NBEAL1: variants seen among roughly 807,000 people sequenced by gnomAD.
NBEAL1 encodes neurobeachin like 1.
In NBEAL1, 273 loss-of-function variants were observed where a neutral mutation model predicts 351.3. The ratio of observed to expected loss-of-function variants is 0.78; its 90% CI spans 0.70 to 0.86. NBEAL1 has a LOEUF of 0.86. NBEAL1 is among the 40% of genes least tolerant of loss of function. NBEAL1 has a pLI of 0.00. For missense variants in NBEAL1, 2,961 were observed against 3,201.3 expected, an observed-to-expected ratio of 0.92 and a Z score of 1.81; for synonymous variants, 1,050 against 1,086.4, an observed-to-expected ratio of 0.97 and a Z score of 0.66.
At chr2:203,183,049 T>C (rs1168469346) in intron 43 of NBEAL1, 1 of 300,116 alleles carries the variant, frequency 3.3e-6, no homozygotes, top group African/African-American at 2.2e-5. Flanking sequence ...AGCTATAGTT[T>C]CCCCCACTTT....
rs187453816 is a variant in NBEAL1 at position 203,156,399 on chromosome 2, A to G, written c.5588-1300A>G. Reference sequence around the variant, plus strand: ...ATTCTCCATCCTTCACCAATCTTTCATCAGATTTTCAATTCATACTGTTAA... The same window carrying G: ...ATTCTCCATCCTTCACCAATCTTTCGTCAGATTTTCAATTCATACTGTTAA... On this transcript the variant is annotated intron_variant, in intron 35 of 55. Coordinates refer to ENST00000683969, the MANE Select transcript of NBEAL1 (RefSeq NM_001378026.1). 1.5e-4 allele frequency among the ~76,000 whole-genome samples: 23 copies of G among 152,278 alleles called. No individual in the cohort carries two copies. In the East Asian group the frequency reaches 4.2e-3, roughly 28 times the overall value.
Position 203,077,738 on chromosome 2 carries a change from T to G in NBEAL1, c.599-14T>G. 1 of 1,231,894 alleles carries G rather than the reference T, an allele frequency of 8.1e-7. No homozygotes were observed. The highest frequency in any genetic ancestry group is 1.1e-6 in the Non-Finnish European group (1 of 920,112). The allele number at this position is 1,231,894 out of a possible 1,614,324, so 76.3% of individuals were successfully genotyped here. ...CAAATCTTATTTATTTATTTATTTA[T>G]TTATTATTTACAGAATGTTTTCAGG... On this transcript the variant is annotated splice_polypyrimidine_tract_variant and intron_variant, in intron 7 of 55. Coordinates refer to ENST00000683969, the MANE Select transcript of NBEAL1 (RefSeq NM_001378026.1).
intron 7 of NBEAL1, 47 bp from the exon 8 acceptor site, chr2:203,077,705 G>A: frequency 3.6e-6 from 4 of 1,124,042 alleles, no homozygotes; most frequent in South Asian, 4.4e-5. Context: ...AAATCATACT[G>A]TGAAAGACAA....
intron 47 of NBEAL1, among the ~76,000 whole-genome samples, chr2:203,196,166 A>G (rs11678215): frequency 0.56 from 85,886 of 152,126 alleles, 26,199 homozygotes; most frequent in Middle Eastern, 0.77. Context: ...CAATAGAACT[A>G]TTTTCATCTT....
rs1422332718 is a variant in NBEAL1, at chr2:203,135,910, C to G, written c.4047C>G (p.Ala1349=). 6.2e-7 allele frequency: 1 copy of G among 1,614,162 alleles called. No homozygotes were observed. The highest frequency in any genetic ancestry group is 8.5e-7 in the Non-Finnish European group (1 of 1,180,018). Residue 1349 remains alanine (A), a synonymous_variant, in exon 28 of 56, where the codon GCC becomes GCG. Transcript: ENST00000683969. The part of the protein sequence containing the change: ...KTDEEKITSF[A]SANVSSDQWS... ...ATGAGGAAAAAATCACCTCTTTTGC[C>G]TCAGCTAATGTGTCTTCGGATCAGT...
intron 41 of NBEAL1, 106 bp downstream of exon 41, chr2:203,172,959 C>G: frequency 1.3e-6 from 1 of 789,888 alleles, no homozygotes; most frequent in Admixed American, 3.4e-5. Flanking sequence ...CGTACTACTA[C>G]TTTTGATAAT....
intron 8 of NBEAL1, among the ~76,000 whole-genome samples, chr2:203,080,346 A>G (rs2061850999): frequency 2.0e-5 from 3 of 152,118 alleles, no homozygotes; most frequent in Admixed American, 6.5e-5. Context: ...CGGGAGGCGG[A>G]GCTTGCAGTG....
intron 40 of NBEAL1, 81 bp from the exon 41 acceptor site, chr2:203,172,648 A>T (rs1454960949): frequency 3.2e-6 from 4 of 1,256,708 alleles, no homozygotes; most frequent in Admixed American, 5.1e-5. Context: ...TTTTGTCTTT[A>T]GATAACCATT....
At chr2:203,180,622 TG>T in intron 43 of NBEAL1, 110 bp downstream of exon 43, 2 of 1,015,692 alleles carry the variant, frequency 2.0e-6, no homozygotes, top group Non-Finnish European at 2.7e-6. Flanking sequence ...AGATTCATTC[TG>T]TCTGTGGATT....
chr2:203,183,011 A>G (rs1367007701), intron 43 of NBEAL1: 4 of 214,486 alleles, frequency 1.9e-5, no homozygotes, highest in Admixed American at 1.1e-4. Flanking sequence ...TTAATTTTGC[A>G]TTTTGGTCTG....
chr2:203,059,741 G>A (rs183108919), intron 6 of NBEAL1, among the ~76,000 whole-genome samples: 30 of 152,288 alleles, frequency 2.0e-4, no homozygotes, highest in Middle Eastern at 3.4e-3. Flanking sequence ...AGAGGGAGCC[G>A]GATGTGATGG....
In NBEAL1 at chr2:203,100,990, C is replaced by G. The variant is rs138712593; in HGVS notation, c.1269+1278C>G. On this transcript the variant is annotated intron_variant, in intron 12 of 55. Transcript: ENST00000683969. ...TGGATGCATGGTTTGCAAATAGTTTCTCCCATTCTGTAGGTTGTCTGTTTA... is the reference window on the plus strand; with the variant it reads ...TGGATGCATGGTTTGCAAATAGTTTGTCCCATTCTGTAGGTTGTCTGTTTA... Among the ~76,000 whole-genome samples, 175 of 152,306 alleles carry G rather than the reference C, an allele frequency of 1.1e-3. 1 individual carries two copies. The highest frequency in any genetic ancestry group is 3.7e-3 in the South Asian group (18 of 4,830).
intron 8 of NBEAL1, among the ~76,000 whole-genome samples, chr2:203,078,555 G>T (rs1377410579): frequency 6.6e-6 from 1 of 152,108 alleles, no homozygotes; most frequent in Admixed American, 6.6e-5. Flanking sequence ...TGCCCAGGCG[G>T]GTCAAACTGC....
At chr2:203,075,059 T>A (rs1369853102) in intron 7 of NBEAL1, 2 of 152,278 alleles carry the variant, frequency 1.3e-5, no homozygotes, top group Non-Finnish European at 2.9e-5. Context: ...TGGATGCCTT[T>A]TAGCCCTGCC....
rs1241649109 is a variant in NBEAL1 at position 203,027,176 on chromosome 2, T to C, written c.51+10741T>C. 2.6e-5 allele frequency among the ~76,000 whole-genome samples: 4 copies of C among 152,306 alleles called. No individual in the cohort carries two copies. In the South Asian group the frequency reaches 8.3e-4, roughly 32 times the overall value. On this transcript the variant is annotated intron_variant, in intron 2 of 55. Coordinates refer to ENST00000683969, the MANE Select transcript of NBEAL1 (RefSeq NM_001378026.1). ...AGCCATATTTGAAATCCTTTGAAGG[T>C]ATCAGAATTCAGGCAAGGGTTAGTA...
At chr2:203,112,176 A>G in intron 16 of NBEAL1, 78 bp downstream of exon 16, 2 of 1,421,062 alleles carry the variant, frequency 1.4e-6, no homozygotes, top group Middle Eastern at 1.8e-4. Context: ...GTAGAAGGTT[A>G]TGTTTATTGT....
At position 203,224,663 on chromosome 2, in the gene NBEAL1, G is replaced by C. The variant is rs150261544; in HGVS notation, c.*7309G>C. On this transcript the variant is annotated 3_prime_UTR_variant, in exon 56 of 56. Transcript: ENST00000683969. ...TTGTGCTGCTACTTAAATATTGAAG[G>C]AATTCAGAAAGTTGTGTATTTATCT... is the stretch of plus-strand genomic sequence containing the variant. Among the ~76,000 whole-genome samples, 719 of 152,174 alleles carry C rather than the reference G, an allele frequency of 4.7e-3. 8 individuals are homozygous for C. The highest frequency in any genetic ancestry group is 0.016 in the African/African-American group (679 of 41,540).
At chr2:203,199,041 A>G (rs970824583) in intron 48 of NBEAL1, among the ~76,000 whole-genome samples, 5 of 148,910 alleles carry the variant, frequency 3.4e-5, no homozygotes, top group Non-Finnish European at 6.0e-5. Context: ...TACAAAGAAT[A>G]CAAAAATTAG....
chr2:203,021,726 A>T lies in NBEAL1; in HGVS notation c.51+5291A>T, dbSNP rs188916795. The stretch of plus-strand genomic sequence containing the variant: ...TTTTTGTTTCTATATTATTATATAC[A>T]AAGTTTTGAGACTCATATGTGTGTA... On this transcript the variant is annotated intron_variant, in intron 2 of 55. Coordinates refer to ENST00000683969, the MANE Select transcript of NBEAL1 (RefSeq NM_001378026.1). 1.7e-4 allele frequency among the ~76,000 whole-genome samples: 26 copies of T among 152,234 alleles called. No homozygotes were observed. In the East Asian group the frequency reaches 5.0e-3, roughly 29 times the overall value.
Sources: gnomAD v4.1 joint callset for allele counts (sites outside exome capture counted in the v4.1 genomes callset) on GRCh38, gnomAD v4.1.1 for gene constraint, MANE v1.5 for transcripts, NCBI Gene and HGNC (gene_info 2026-07-23, HGNC 2026-07-21) for gene names.